PTPRD: variants seen among roughly 807,000 people sequenced by gnomAD.
PTPRD encodes the protein protein tyrosine phosphatase receptor type D.
In PTPRD, 34 loss-of-function variants were observed where a neutral mutation model predicts 214.5. The ratio of observed to expected loss-of-function variants is 0.16; its 90% CI spans 0.12 to 0.21. The LOEUF (loss-of-function observed/expected upper bound fraction) is 0.21, where lower values mean the gene tolerates loss of function less well. PTPRD is among the 10% of genes least tolerant of loss of function. The pLI, the probability that PTPRD is intolerant of heterozygous loss-of-function variation, is 1.00. For missense variants in PTPRD, 2,545 were observed against 2,398.7 expected (o/e 1.06, Z -1.27); for synonymous variants, 1,128 against 845.7 (o/e 1.33, Z -5.79).
intron 33 of PTPRD, 186 bp downstream of exon 33, chr9:8,460,225 A>G (rs1347243916): frequency 4.0e-6 from 3 of 745,740 alleles, no homozygotes; most frequent in East Asian, 2.6e-5. Flanking sequence ...AAACTGAATA[A>G]GATTCCAAAT....
intron 9 of PTPRD, among the ~76,000 whole-genome samples, chr9:9,306,361 T>G (rs1957118920): frequency 6.6e-6 from 1 of 151,648 alleles, no homozygotes; most frequent in South Asian, 2.1e-4. Context: ...GTCAGGAGTT[T>G]GGGACCAGCC....
At chr9:8,745,635 G>A (rs888538861) in intron 11 of PTPRD, among the ~76,000 whole-genome samples, 2 of 152,158 alleles carry the variant, frequency 1.3e-5, no homozygotes, top group African/African-American at 4.8e-5. Context: ...AAAGTTTATA[G>A]ACGTGCTTGG....
chr9:9,544,846 T>A (rs1371415513), intron 8 of PTPRD, among the ~76,000 whole-genome samples: 1 of 151,632 alleles, frequency 6.6e-6, no homozygotes, highest in Non-Finnish European at 1.5e-5. Context: ...ACTATAATAG[T>A]GAATTAAAAA....
At chr9:9,219,634 C>T (rs1268893705) in intron 9 of PTPRD, among the ~76,000 whole-genome samples, 3 of 152,130 alleles carry the variant, frequency 2.0e-5, no homozygotes, top group East Asian at 1.9e-4. Flanking sequence ...GAAAACTCTT[C>T]GAATGTATCA....
At chr9:8,696,384 C>T (rs2097911318) in intron 12 of PTPRD, among the ~76,000 whole-genome samples, 1 of 152,182 alleles carries the variant, frequency 6.6e-6, no homozygotes. Flanking sequence ...CACCTACTTG[C>T]ACTAAACTCT....
At chr9:9,291,169 T>G (rs914382538) in intron 9 of PTPRD, among the ~76,000 whole-genome samples, 1 of 151,516 alleles carries the variant, frequency 6.6e-6, no homozygotes, top group African/African-American at 2.4e-5. Flanking sequence ...TGTATGGTTT[T>G]GAATATAGAT....
At chr9:10,321,519 CAA>C (rs2096552058) in intron 3 of PTPRD, among the ~76,000 whole-genome samples, 2 of 151,940 alleles carry the variant, frequency 1.3e-5, no homozygotes, top group Admixed American at 1.3e-4. Context: ...AATAACAAGA[CAA>C]AGTGGAATGT....
At chr9:10,411,359 T>G (rs1340414323) in intron 2 of PTPRD, among the ~76,000 whole-genome samples, 1 of 151,792 alleles carries the variant, frequency 6.6e-6, no homozygotes, top group Non-Finnish European at 1.5e-5. Flanking sequence ...AGGAACAGGA[T>G]TTCCCAGTTC....
In PTPRD at chr9:9,165,994, T is replaced by C. The variant is rs189906142; in HGVS notation, c.-143+17310A>G. ...TTCTCAGTGACTAGCTCTTATCCTG[T>C]CCCAAATATAAATTTAGTCAGGTAC... On this transcript the variant is annotated intron_variant, in intron 10 of 45. Transcript: ENST00000381196. 1.6e-3 allele frequency among the ~76,000 whole-genome samples: 248 copies of C among 152,256 alleles called. 1 individual carries two copies. Among genetic ancestry groups the C allele is most frequent in the East Asian group, 0.012 (61 of 5,174 alleles).
chr9:9,009,387 C>T (rs1297130930), intron 11 of PTPRD, among the ~76,000 whole-genome samples: 1 of 151,714 alleles, frequency 6.6e-6, no homozygotes, highest in African/African-American at 2.4e-5. Context: ...CTAAAGGCTC[C>T]ACAAATTTCA....
chr9:8,639,181 A>G (rs1564898040), intron 12 of PTPRD, among the ~76,000 whole-genome samples: 3 of 152,256 alleles, frequency 2.0e-5, no homozygotes, highest in African/African-American at 4.8e-5. Flanking sequence ...GAGGATTACA[A>G]AACACTGTAC....
intron 3 of PTPRD, among the ~76,000 whole-genome samples, chr9:10,111,229 CTTTTTTTTTT>C (rs34045121): frequency 5.0e-4 from 36 of 72,194 alleles, no homozygotes; most frequent in African/African-American, 1.9e-3. Flanking sequence ...AGTTTAGTTT[CTTTTTTTTTT>C]TTTTTTTTTT....
chr9:8,810,464 T>C (rs1252051346), intron 11 of PTPRD, among the ~76,000 whole-genome samples: 1 of 152,158 alleles, frequency 6.6e-6, no homozygotes, highest in Non-Finnish European at 1.5e-5. Flanking sequence ...GAAGAAAGAT[T>C]CAGACTGCAT....
intron 11 of PTPRD, among the ~76,000 whole-genome samples, chr9:8,884,928 A>T (rs1437942047): frequency 6.7e-6 from 1 of 150,214 alleles, no homozygotes; most frequent in Non-Finnish European, 1.5e-5. Flanking sequence ...GGAAACAAAA[A>T]GTTATCTCCT....
intron 11 of PTPRD, among the ~76,000 whole-genome samples, chr9:8,932,843 G>T (rs1183937944): frequency 2.0e-5 from 3 of 152,014 alleles, no homozygotes; most frequent in South Asian, 2.1e-4. Context: ...AGACCACTTG[G>T]CTCCCTGGCT....
intron 10 of PTPRD, among the ~76,000 whole-genome samples, chr9:9,040,182 C>CTGA (rs1356825142): frequency 6.6e-6 from 1 of 152,128 alleles, no homozygotes; most frequent in Non-Finnish European, 1.5e-5. Context: ...TATGCTTTCA[C>CTGA]TGATGTGGAA....
intron 3 of PTPRD, among the ~76,000 whole-genome samples, chr9:10,242,017 T>C (rs1253292417): frequency 6.6e-6 from 1 of 151,922 alleles, no homozygotes; most frequent in Non-Finnish European, 1.5e-5. Flanking sequence ...ATGTCAGCAC[T>C]GGAGTAAAAG....
At chr9:9,454,320 T>C (rs774094070) in intron 8 of PTPRD, among the ~76,000 whole-genome samples, 31 of 151,772 alleles carry the variant, frequency 2.0e-4, no homozygotes, top group Non-Finnish European at 2.4e-4. Flanking sequence ...GTGAAATCTA[T>C]GGACATGGAA....
chr9:9,265,020 G>T (rs553538541), intron 9 of PTPRD, among the ~76,000 whole-genome samples: 1 of 151,742 alleles, frequency 6.6e-6, no homozygotes, highest in Non-Finnish European at 1.5e-5. Context: ...ACTAGACCTG[G>T]CTTACAAGAA....
Sources: gnomAD v4.1 joint callset for allele counts (sites outside exome capture counted in the v4.1 genomes callset) on GRCh38, gnomAD v4.1.1 for gene constraint, MANE v1.5 for transcripts, NCBI Gene and HGNC (gene_info 2026-07-23, HGNC 2026-07-21) for gene names.